STARD9: variants seen among roughly 807,000 people sequenced by gnomAD.
STARD9 encodes stAR-related lipid transfer protein 9.
STARD9 carries 346 observed loss-of-function variants against 399.8 expected under a neutral mutation model. The ratio of observed to expected loss-of-function variants is 0.87; its 90% CI spans 0.79 to 0.95. The LOEUF (loss-of-function observed/expected upper bound fraction) is 0.95, where lower values mean the gene tolerates loss of function less well. STARD9 is among the 40% of genes least tolerant of loss of function. The pLI, the probability that STARD9 is intolerant of heterozygous loss-of-function variation, is 0.00. For synonymous variants in STARD9, 2,203 were observed against 2,143.5 expected (o/e 1.03, Z -0.77); for missense variants, 5,832 against 5,667.5 (o/e 1.03, Z -0.93).
chr15:42,595,709 A>T (rs1367264142), intron 3 of STARD9, among the ~76,000 whole-genome samples: 1 of 152,192 alleles, frequency 6.6e-6, no homozygotes, highest in Non-Finnish European at 1.5e-5. Flanking sequence ...ACATTCCATC[A>T]CTAGTGCTGG....
rs1463350745 is a variant in STARD9 at position 42,693,593 on chromosome 15, C to T, written c.12015C>T (p.Pro4005=). 5.2e-6 allele frequency: 8 copies of T among 1,537,132 alleles called. No individual in the cohort carries two copies. The East Asian group carries it at 7.3e-5, about 14-fold the overall frequency. The change falls in exon 23 of 33, where the codon CCC becomes CCT. Residue 4005 remains proline, a synonymous_variant. Transcript: ENST00000290607. ...FLGQHPQQLQ[P]RTTIGVQSRL... ...GGCAGCACCCTCAGCAGCTTCAGCC[C>T]AGGACAACTATCGGGGTCCAAAGCA...
chr15:42,625,867 CT>C (rs1174968349), intron 3 of STARD9, among the ~76,000 whole-genome samples: 3 of 151,992 alleles, frequency 2.0e-5, no homozygotes, highest in Non-Finnish European at 4.4e-5. Flanking sequence ...AGAATGACCC[CT>C]AAGCCCTAAC....
rs1467709187 is a variant in STARD9, at chr15:42,690,147, C to G, written c.8569C>G (p.Leu2857Val). 1.3e-6 allele frequency: 2 copies of G among 1,537,838 alleles called. No individual in the cohort carries two copies. The highest frequency in any genetic ancestry group is 2.4e-5 in the East Asian group (1 of 40,924). ...GRASPKQDTILPGALTRVALE... is the reference protein window; with the variant it reads ...GRASPKQDTIVPGALTRVALE... ...GGCAAGTCCCAAACAAGATACCATT[C>G]TGCCTGGAGCTCTGACAAGGGTTGC... Residue 2857 changes from leucine to valine, a missense_variant, in exon 23 of 33, where the codon CTG becomes GTG. Physicochemically the swap from Leu to Val is conservative, Grantham distance 32. Coordinates refer to ENST00000290607, the MANE Select transcript of STARD9 (RefSeq NM_020759.3).
At chr15:42,650,182 C>T (rs936879977) in intron 7 of STARD9, among the ~76,000 whole-genome samples, 2 of 152,060 alleles carry the variant, frequency 1.3e-5, no homozygotes, top group African/African-American at 4.8e-5. Flanking sequence ...ACTTTTAAGT[C>T]GGCCTGGTAG....
At chr15:42,594,232 G>A (rs993397156) in intron 3 of STARD9, among the ~76,000 whole-genome samples, 2 of 152,192 alleles carry the variant, frequency 1.3e-5, no homozygotes, top group Admixed American at 1.3e-4. Context: ...TGATTACAGA[G>A]CTGGACTGCA....
Position 42,638,868 on chromosome 15 carries a change from C to T in STARD9, c.559+56C>T, listed in dbSNP as rs1473510766. The T allele has an allele frequency of 5.1e-6, 5 of 971,154 alleles. No homozygotes were observed. The Admixed American group carries it at 7.3e-5, about 14-fold the overall frequency. The allele number at this position is 971,154 out of a possible 1,614,324, so 60.2% of individuals were successfully genotyped here. A position where few individuals can be genotyped will look rare whatever the true frequency, so the allele number is the denominator to read the frequency against. On this transcript the variant is annotated intron_variant, in intron 7 of 32. Transcript: ENST00000290607. ...CCAAACTGAAGCCTGGGAAGCTCTC[C>T]TAATGTTCCCTAATTCATTGAACAT...
At chr15:42,643,311 C>G (rs188481274) in intron 7 of STARD9, among the ~76,000 whole-genome samples, 1 of 152,218 alleles carries the variant, frequency 6.6e-6, no homozygotes, top group East Asian at 1.9e-4. Flanking sequence ...ATTCTGCTGC[C>G]TCAGCCTCCT....
intron 3 of STARD9, among the ~76,000 whole-genome samples, chr15:42,609,455 T>G (rs1378411891): frequency 6.6e-6 from 1 of 152,036 alleles, no homozygotes; most frequent in Non-Finnish European, 1.5e-5. Flanking sequence ...TTTTTTTTTT[T>G]TTTGAGATGG....
intron 31 of STARD9, 30 bp downstream of exon 31, chr15:42,718,544 G>A (rs961726995): frequency 2.6e-6 from 4 of 1,529,318 alleles, no homozygotes; most frequent in Non-Finnish European, 3.5e-6. Flanking sequence ...AGATGTTGTG[G>A]GAAGAACTTG....
chr15:42,718,028 C>T lies in STARD9; in HGVS notation c.13611C>T (p.Pro4537=). 2 of 1,537,212 alleles carry T rather than the reference C, an allele frequency of 1.3e-6. No homozygotes were observed. The highest frequency in any genetic ancestry group is 1.7e-6 in the Non-Finnish European group (2 of 1,146,902). Residue 4537 remains proline, a synonymous_variant, in exon 30 of 33, where the codon CCC becomes CCT. Transcript: ENST00000290607. ...AGCTTTACTACAAGGTGTTTTCTCC[C>T]ACTCGGCATGGCTTCCTGGGGGCAG... ...AVQLYYKVFS[P]TRHGFLGAGV...
rs1595776991 is a variant in STARD9 at position 42,688,348 on chromosome 15, T to C, written c.6770T>C (p.Val2257Ala). The change falls in exon 23 of 33, where the codon GTA becomes GCA. Residue 2257 changes from valine to alanine, a missense_variant. This residue lies in a region of STARD9 where 5,828 missense variants were observed against 5,651.1 expected (regional missense o/e 1.03). Transcript: ENST00000290607. Reference protein sequence around the residue: ...ETVKGFQESQVAEHVSSSNQE... With the variant: ...ETVKGFQESQAAEHVSSSNQE... ...GTGAAAGGTTTTCAGGAAAGCCAAG[T>C]AGCTGAACACGTAAGTAGTTCCAAC... is the stretch of plus-strand genomic sequence containing the variant. 1 of 1,536,858 alleles carries C rather than the reference T, an allele frequency of 6.5e-7. No individual in the cohort carries two copies. The highest frequency in any genetic ancestry group is 2.4e-5 in the East Asian group (1 of 40,924).
At chr15:42,626,408 T>C (rs541758310) in intron 3 of STARD9, among the ~76,000 whole-genome samples, 15 of 137,276 alleles carry the variant, frequency 1.1e-4, no homozygotes, top group South Asian at 2.5e-4. Context: ...CCTCCTCTTC[T>C]TCCTCCTCCT....
intron 13 of STARD9, 49 bp from the exon 14 acceptor site, chr15:42,665,204 G>T: frequency 7.0e-7 from 1 of 1,427,858 alleles, no homozygotes; most frequent in South Asian, 1.2e-5. Context: ...TTTCACAGCT[G>T]AGTGGGACTT....
chr15:42,689,301 C>T lies in STARD9; in HGVS notation c.7723C>T (p.Leu2575Phe). The T allele has an allele frequency of 6.5e-7, 1 of 1,537,214 alleles. No homozygotes were observed. Among genetic ancestry groups the T allele is most frequent in the Non-Finnish European group, 8.7e-7 (1 of 1,146,902 alleles). The change falls in exon 23 of 33, where the codon CTT becomes TTT. Residue 2575 changes from leucine to phenylalanine, a missense_variant. Coordinates refer to ENST00000290607, the MANE Select transcript of STARD9 (RefSeq NM_020759.3). ...LHDFVARGTV[L>F]SYCETLLEPE... is the part of the protein sequence containing the mutation. ...TGACTTTGTGGCCAGGGGCACAGTC[C>T]TTTCTTACTGTGAAACTTTACTAGA...
chr15:42,654,213 A>G (rs1265047355), intron 9 of STARD9, among the ~76,000 whole-genome samples: 1 of 152,208 alleles, frequency 6.6e-6, no homozygotes, highest in Non-Finnish European at 1.5e-5. Context: ...GAGACACAGA[A>G]AAAAGAAAAA....
intron 3 of STARD9, among the ~76,000 whole-genome samples, chr15:42,614,555 T>A (rs2058918157): frequency 6.6e-6 from 1 of 152,182 alleles, no homozygotes; most frequent in African/African-American, 2.4e-5. Flanking sequence ...GCCCATACAT[T>A]TTCGATGGAA....
chr15:42,640,738 T>C (rs1230961906), intron 7 of STARD9, among the ~76,000 whole-genome samples: 1 of 147,378 alleles, frequency 6.8e-6, no homozygotes, highest in Non-Finnish European at 1.5e-5. Flanking sequence ...GGAGAATCGC[T>C]TGAACCTGGA....
Position 42,693,785 on chromosome 15 carries a change from A to T in STARD9, c.12207A>T (p.Pro4069=), listed in dbSNP as rs567978420. 3.9e-6 allele frequency: 6 copies of T among 1,536,378 alleles called. No homozygotes were observed. The South Asian group carries it at 6.0e-5, about 15-fold the overall frequency. The change falls in exon 23 of 33, where the codon CCA becomes CCT. Residue 4069 remains proline, a synonymous_variant. Transcript: ENST00000290607. ...GGESSASPGE[P]QRTLDRPSSW... The stretch of plus-strand genomic sequence containing the variant: ...AGAGTTCAGCATCTCCAGGGGAACC[A>T]CAACGCACTCTGGACCGACCTTCTT...
chr15:42,677,595 A>T (rs959815980), intron 20 of STARD9, among the ~76,000 whole-genome samples: 1 of 152,258 alleles, frequency 6.6e-6, no homozygotes. Context: ...TTTACAGAAA[A>T]TAACACTGCA....
Sources: allele counts gnomAD v4.1 joint callset (sites outside exome capture counted in the v4.1 genomes callset), GRCh38; gene constraint gnomAD v4.1.1; regional missense constraint gnomAD v4.1.1; transcripts MANE v1.5; gene names NCBI Gene and HGNC (gene_info 2026-07-23, HGNC 2026-07-21).